The following COPG2 variants were observed in gnomAD, a reference collection of about 807,000 sequenced individuals.
The protein encoded by COPG2 is coatomer subunit gamma-2.
A neutral mutation model predicts 46.3 loss-of-function variants in COPG2; 37 were observed. The ratio of observed to expected loss-of-function variants is 0.80; its 90% confidence interval spans 0.61 to 1.05. The LOEUF is 1.05. Among genes scored for constraint, COPG2 ranks in the 50% least tolerant of loss-of-function variants. COPG2 has a pLI of 0.00. For synonymous variants in COPG2, 159 were observed against 129.7 expected (o/e 1.23, Z -1.53); for missense variants, 427 against 387.8 (o/e 1.10, Z -0.85).
intron 20 of COPG2, among the ~76,000 whole-genome samples, chr7:130,517,747 T>C (rs987842818): frequency 1.7e-4 from 26 of 152,336 alleles, no homozygotes; most frequent in Middle Eastern, 6.8e-3. Flanking sequence ...TAAGATATGA[T>C]AGAGCATAAC....
At chr7:130,569,154 C>T (rs1031403190) in intron 9 of COPG2, among the ~76,000 whole-genome samples, 3 of 151,948 alleles carry the variant, frequency 2.0e-5, no homozygotes, top group Non-Finnish European at 4.4e-5. Context: ...ACTAGAGAAA[C>T]AAGAACAAAC....
intron 1 of COPG2, among the ~76,000 whole-genome samples, chr7:130,668,379 A>G (rs1796136935): frequency 6.8e-6 from 1 of 146,200 alleles, no homozygotes; most frequent in African/African-American, 2.6e-5. Flanking sequence ...GCGCCGCAAG[A>G]GGGGCGGGAA....
chr7:130,577,767 C>CAAAAAAAAAAAAAAAAA (rs782674348), intron 9 of COPG2, among the ~76,000 whole-genome samples: 3 of 78,150 alleles, frequency 3.8e-5, no homozygotes, highest in Non-Finnish European at 6.6e-5. Context: ...GACTCCGTCT[C>CAAAAAAAAAAAAAAAAA]AAAAAAAAAA....
chr7:130,640,105 A>C (rs1401193375), intron 5 of COPG2, among the ~76,000 whole-genome samples: 1 of 151,764 alleles, frequency 6.6e-6, no homozygotes, highest in Admixed American at 6.6e-5. Context: ...AACACAAACA[A>C]ACAAACAAAC....
At chr7:130,582,162 G>T (rs1554447281) in intron 9 of COPG2, among the ~76,000 whole-genome samples, 24 of 139,506 alleles carry the variant, frequency 1.7e-4, no homozygotes, top group South Asian at 4.8e-4. Context: ...TAGATCAATG[G>T]AACAGAACAG....
chr7:130,543,459 G>C (rs1490764756), intron 20 of COPG2, among the ~76,000 whole-genome samples: 3 of 152,212 alleles, frequency 2.0e-5, no homozygotes, highest in East Asian at 1.9e-4. Flanking sequence ...TGAATGCTTA[G>C]AGTCAGGAGA....
chr7:130,650,054 T>C (rs996641613), intron 5 of COPG2, among the ~76,000 whole-genome samples: 1 of 152,184 alleles, frequency 6.6e-6, no homozygotes, highest in Admixed American at 6.5e-5. Flanking sequence ...TTTTCCAGTC[T>C]CTAGAGGTTA....
At chr7:130,606,638 T>C (rs1416725766) in intron 9 of COPG2, among the ~76,000 whole-genome samples, 1 of 152,244 alleles carries the variant, frequency 6.6e-6, no homozygotes, top group South Asian at 2.1e-4. Flanking sequence ...GACCCAGTTT[T>C]ATCTTGCTGT....
chr7:130,655,752 T>C (rs782253270), intron 4 of COPG2, among the ~76,000 whole-genome samples: 6 of 152,202 alleles, frequency 3.9e-5, no homozygotes, highest in Admixed American at 6.5e-5. Flanking sequence ...GTTTCCCTTC[T>C]TCAGATCACA....
chr7:130,637,964 T>C (rs1232424092), intron 5 of COPG2, among the ~76,000 whole-genome samples: 1 of 152,220 alleles, frequency 6.6e-6, no homozygotes, highest in Non-Finnish European at 1.5e-5. Flanking sequence ...TTAGTTTTCC[T>C]TCTAACAGTC....
Position 130,652,852 on chromosome 7 carries a change from T to A in COPG2, c.323+17A>T. On this transcript the variant is annotated intron_variant, in intron 5 of 23. Transcript: ENST00000425248. ...AATATATAAGTATCTCATCCTAGAT[T>A]TTGACCATTTACATACCTGCTTGTG... 2.0e-6 allele frequency: 3 copies of A among 1,533,426 alleles called. No homozygotes were observed. The highest frequency in any genetic ancestry group is 2.7e-6 in the Non-Finnish European group (3 of 1,113,926). 95.0% of individuals were successfully genotyped at this position (1,533,426 alleles called of 1,614,324 possible).
intron 12 of COPG2, among the ~76,000 whole-genome samples, chr7:130,556,161 G>A (rs1437669766): frequency 6.6e-6 from 1 of 152,168 alleles, no homozygotes. Flanking sequence ...TTTACAGTGG[G>A]GAGTAAGTAT....
At chr7:130,668,354 C>T (rs1796134857) in intron 1 of COPG2, among the ~76,000 whole-genome samples, 1 of 150,346 alleles carries the variant, frequency 6.7e-6, no homozygotes, top group South Asian at 2.1e-4. Flanking sequence ...GGGGAGGAGG[C>T]GGCTCGGAGG....
At chr7:130,617,319 G>A (rs1794967391) in intron 5 of COPG2, among the ~76,000 whole-genome samples, 1 of 152,122 alleles carries the variant, frequency 6.6e-6, no homozygotes, top group Non-Finnish European at 1.5e-5. Context: ...CATTCTGGGA[G>A]GAAGAAAGAT....
In COPG2 at chr7:130,564,396, G is replaced by A; in HGVS notation, c.738-3C>T. ...AATCAAACAGTGGACTTTCATGGCT[G>A]CCAATAAATATTTATAGGCCATTAT... On this transcript the variant is annotated splice_polypyrimidine_tract_variant and splice_region_variant and intron_variant, in intron 9 of 23. Coordinates refer to ENST00000425248, the MANE Select transcript of COPG2 (RefSeq NM_012133.6). The A allele has an allele frequency of 2.5e-6, 1 of 398,510 alleles. No homozygotes were observed. The highest frequency in any genetic ancestry group is 1.3e-4 in the South Asian group (1 of 7,854). 24.7% of individuals were successfully genotyped at this position (398,510 alleles called of 1,614,324 possible).
At chr7:130,603,072 C>T (rs1277670995) in intron 9 of COPG2, among the ~76,000 whole-genome samples, 2 of 152,132 alleles carry the variant, frequency 1.3e-5, no homozygotes, top group Non-Finnish European at 2.9e-5. Flanking sequence ...AACCCCTGAC[C>T]TGCAAAAATT....
intron 20 of COPG2, among the ~76,000 whole-genome samples, chr7:130,523,617 A>G (rs962747123): frequency 1.3e-5 from 2 of 152,168 alleles, no homozygotes; most frequent in South Asian, 4.1e-4. Context: ...GATGTAGCTG[A>G]AAAGGCAATG....
At chr7:130,575,819 C>G (rs1380636653) in intron 9 of COPG2, among the ~76,000 whole-genome samples, 2 of 152,290 alleles carry the variant, frequency 1.3e-5, no homozygotes, top group East Asian at 3.9e-4. Flanking sequence ...CCATCTGCTG[C>G]CTTCAGGAGA....
chr7:130,528,164 C>T (rs1442429268), intron 20 of COPG2, among the ~76,000 whole-genome samples: 5 of 151,968 alleles, frequency 3.3e-5, no homozygotes, highest in African/African-American at 7.3e-5. Context: ...CAGGTTGAGA[C>T]TGGGTGCGTT....
Sources: gnomAD v4.1 joint callset for allele counts (sites outside exome capture counted in the v4.1 genomes callset) on GRCh38, gnomAD v4.1.1 for gene constraint, MANE v1.5 for transcripts, NCBI Gene and HGNC (gene_info 2026-07-23, HGNC 2026-07-21) for gene names.